Variants in CMIP observed in about 807,000 individuals in gnomAD.
CMIP encodes the protein c-Maf inducing protein.
In CMIP, 13 loss-of-function variants were observed where a neutral mutation model predicts 97.3. The ratio of observed to expected loss-of-function variants is 0.13; its 90% CI spans 0.09 to 0.21. CMIP has a LOEUF of 0.21. Among genes scored for constraint, CMIP ranks in the 10% least tolerant of loss-of-function variants. The probability of loss-of-function intolerance (pLI) is 1.00; values close to 1 mark genes in which losing one functional copy is unlikely to be tolerated. For synonymous variants in CMIP, 538 were observed against 436.3 expected (o/e 1.23, Z -2.91); for missense variants, 847 against 1,024.9 (o/e 0.83, Z 2.37).
intron 1 of CMIP, among the ~76,000 whole-genome samples, chr16:81,527,363 A>G (rs2090152340): frequency 6.6e-6 from 1 of 151,668 alleles, no homozygotes; most frequent in Non-Finnish European, 1.5e-5. Flanking sequence ...GAATAGCTAG[A>G]TACCAGAAAA....
intron 1 of CMIP, among the ~76,000 whole-genome samples, chr16:81,578,474 C>CAG (rs914425755): frequency 6.6e-6 from 1 of 152,226 alleles, no homozygotes; most frequent in Non-Finnish European, 1.5e-5. Context: ...GGGAAGAACA[C>CAG]AGAGAGAGTT....
chr16:81,491,230 C>T (rs141357038), intron 1 of CMIP, among the ~76,000 whole-genome samples: 3 of 152,238 alleles, frequency 2.0e-5, no homozygotes, highest in Non-Finnish European at 2.9e-5. Flanking sequence ...GCTGGAGTGC[C>T]GGTGTCTGGG....
intron 4 of CMIP, among the ~76,000 whole-genome samples, chr16:81,657,176 T>C (rs2092492899): frequency 1.3e-5 from 2 of 152,186 alleles, no homozygotes; most frequent in Non-Finnish European, 2.9e-5. Context: ...ACCCCTAAAA[T>C]TTCAGCAAAT....
chr16:81,609,479 C>T (rs1229545411), intron 2 of CMIP, among the ~76,000 whole-genome samples: 1 of 152,232 alleles, frequency 6.6e-6, no homozygotes, highest in African/African-American at 2.4e-5. Context: ...AGTCACAGAG[C>T]TTTGAGGCAG....
At chr16:81,699,590 T>G (rs1597268549) in intron 14 of CMIP, 95 bp from the exon 15 acceptor site, 1 of 749,504 alleles carries the variant, frequency 1.3e-6, no homozygotes. Context: ...TGTAGGCAGG[T>G]CTGTTCAACG....
At chr16:81,612,272 C>T (rs912678019) in intron 2 of CMIP, among the ~76,000 whole-genome samples, 12 of 152,192 alleles carry the variant, frequency 7.9e-5, no homozygotes, top group Non-Finnish European at 2.9e-5. Context: ...GCTCCACAAA[C>T]AAGGCTTCAG....
chr16:81,524,681 C>G (rs1432056851), intron 1 of CMIP, among the ~76,000 whole-genome samples: 1 of 152,254 alleles, frequency 6.6e-6, no homozygotes, highest in East Asian at 1.9e-4. Flanking sequence ...GCGGCACAGG[C>G]CCTGCTCAGA....
intron 1 of CMIP, among the ~76,000 whole-genome samples, chr16:81,460,018 C>T (rs552150081): frequency 4.6e-5 from 7 of 152,294 alleles, no homozygotes; most frequent in African/African-American, 1.7e-4. Flanking sequence ...AGTTCCTTTC[C>T]TTCCTGTTGT....
At chr16:81,485,764 G>A (rs889098929) in intron 1 of CMIP, among the ~76,000 whole-genome samples, 1 of 152,246 alleles carries the variant, frequency 6.6e-6, no homozygotes, top group Admixed American at 6.5e-5. Flanking sequence ...ACAACCTGGT[G>A]AAATAGGTAG....
At chr16:81,470,474 C>T (rs1464134466) in intron 1 of CMIP, among the ~76,000 whole-genome samples, 1 of 152,212 alleles carries the variant, frequency 6.6e-6, no homozygotes, top group Non-Finnish European at 1.5e-5. Context: ...AAACAGCTTT[C>T]TTTTCCCTTG....
chr16:81,690,596 C>A (rs1175024476), intron 10 of CMIP, among the ~76,000 whole-genome samples: 1 of 152,194 alleles, frequency 6.6e-6, no homozygotes, highest in Non-Finnish European at 1.5e-5. Flanking sequence ...CTCCGCCTCC[C>A]AGGTTCTAGC....
At chr16:81,573,248 T>G (rs1455531000) in intron 1 of CMIP, among the ~76,000 whole-genome samples, 1 of 149,956 alleles carries the variant, frequency 6.7e-6, no homozygotes, top group Non-Finnish European at 1.5e-5. Context: ...GGAGGGTGAG[T>G]CAAGAGAATT....
In CMIP at chr16:81,678,591, C is replaced by A; in HGVS notation, c.1351C>A (p.Arg451Ser). The stretch of plus-strand genomic sequence containing the variant: ...CATCGAGCTGGGCCCCCAGGCCGAC[C>A]GCACGCTCGGCTGCTACGTGGAAAT... Reference protein sequence around the residue: ...MSIELGPQADRTLGCYVEILK... With the variant: ...MSIELGPQADSTLGCYVEILK... The change falls in exon 10 of 21, where the codon CGC becomes AGC. Residue 451 changes from arginine (R) to serine (S), a missense_variant. Physicochemically the swap from Arg to Ser is moderately radical, Grantham distance 110. Transcript: ENST00000537098. 1 of 1,600,666 alleles carries A rather than the reference C, an allele frequency of 6.2e-7. No homozygotes were observed.
At chr16:81,705,946 G>C (rs2151107166) in intron 19 of CMIP, among the ~76,000 whole-genome samples, 1 of 152,342 alleles carries the variant, frequency 6.6e-6, no homozygotes, top group Non-Finnish European at 1.5e-5. Context: ...CTGACCAGTG[G>C]TGGCAGCGTC....
At chr16:81,623,730 A>C (rs1256007674) in intron 3 of CMIP, among the ~76,000 whole-genome samples, 1 of 152,238 alleles carries the variant, frequency 6.6e-6, no homozygotes, top group Non-Finnish European at 1.5e-5. Flanking sequence ...ATTAGCTGGG[A>C]AACGTGAATT....
At chr16:81,511,171 T>C (rs557749174) in intron 1 of CMIP, among the ~76,000 whole-genome samples, 1 of 152,216 alleles carries the variant, frequency 6.6e-6, no homozygotes, top group East Asian at 1.9e-4. Context: ...AGCCACTGTT[T>C]AGATGCAAAT....
chr16:81,704,110 T>TC lies in CMIP; in HGVS notation c.2091+30dup, dbSNP rs758631861. 5 of 1,580,066 alleles carry TC rather than the reference T, an allele frequency of 3.2e-6. No individual in the cohort carries two copies. The South Asian group carries it at 5.7e-5, about 18-fold the overall frequency. On this transcript the variant is annotated intron_variant, in intron 18 of 20. Transcript: ENST00000537098. ...GGTACGTCCTCCCGCCCTGCTGCAGTCCCCCACACCCTCCTCCTTCACCTC... is the reference window on the plus strand; with the variant it reads ...GGTACGTCCTCCCGCCCTGCTGCAGTCCCCCCACACCCTCCTCCTTCACCTC...
At chr16:81,544,442 G>GTT (rs1273624198) in intron 1 of CMIP, among the ~76,000 whole-genome samples, 4 of 151,974 alleles carry the variant, frequency 2.6e-5, no homozygotes, top group Admixed American at 2.6e-4. Flanking sequence ...GTGTGTGTGT[G>GTT]TGCGCGCACA....
chr16:81,564,123 T>G (rs933127302), intron 1 of CMIP, among the ~76,000 whole-genome samples: 3 of 152,226 alleles, frequency 2.0e-5, no homozygotes, highest in Non-Finnish European at 2.9e-5. Flanking sequence ...AAGCAGGTGG[T>G]GACATCACAG....
Sources: gnomAD v4.1 joint callset for allele counts (sites outside exome capture counted in the v4.1 genomes callset) on GRCh38, gnomAD v4.1.1 for gene constraint, MANE v1.5 for transcripts, NCBI Gene and HGNC (gene_info 2026-07-23, HGNC 2026-07-21) for gene names.